TMEM131: variants seen among roughly 807,000 people sequenced by gnomAD.
TMEM131 encodes the protein transmembrane protein 131, also known as 2610524E03Rik.
TMEM131 carries 66 observed loss-of-function variants against 211.6 expected under a neutral mutation model. The observed-to-expected ratio is 0.31, with a 90% confidence interval of 0.26 to 0.38. The LOEUF (loss-of-function observed/expected upper bound fraction) is 0.38. TMEM131 is among the 10% of genes least tolerant of loss of function. TMEM131 has a pLI of 1.00. For missense variants in TMEM131, 2,036 were observed against 2,299.3 expected (o/e 0.89, Z 2.34); for synonymous variants, 844 against 841.3 (o/e 1.00, Z -0.06).
intron 31 of TMEM131, among the ~76,000 whole-genome samples, chr2:97,782,120 C>T (rs895496372): frequency 6.6e-6 from 1 of 152,242 alleles, no homozygotes; most frequent in African/African-American, 2.4e-5. Flanking sequence ...AAGGAGCCAA[C>T]TCTCCCCTCC....
intron 5 of TMEM131, among the ~76,000 whole-genome samples, chr2:97,852,239 G>T (rs1417656367): frequency 2.7e-5 from 4 of 148,280 alleles, no homozygotes; most frequent in Non-Finnish European, 5.9e-5. Context: ...TTGGCTCACT[G>T]CAATCTCTGC....
intron 33 of TMEM131, 76 bp from the exon 34 acceptor site, chr2:97,766,678 T>G: frequency 6.5e-7 from 1 of 1,541,538 alleles, no homozygotes; most frequent in South Asian, 1.2e-5. Flanking sequence ...AGATTGTAAT[T>G]CTTCTACAAT....
chr2:97,758,453 C>T (rs975474881), intron 40 of TMEM131, among the ~76,000 whole-genome samples: 11 of 152,238 alleles, frequency 7.2e-5, no homozygotes, highest in Non-Finnish European at 1.0e-4. Context: ...ACCTAAGAGA[C>T]AGGTGCTTCT....
intron 1 of TMEM131, among the ~76,000 whole-genome samples, chr2:97,944,067 C>G (rs904502066): frequency 2.6e-5 from 4 of 151,940 alleles, no homozygotes; most frequent in African/African-American, 4.8e-5. Flanking sequence ...GGCGACAGAG[C>G]AAGACTCAGA....
In TMEM131 at chr2:97,792,647, G is replaced by C. The variant is rs757726353; in HGVS notation, c.3883C>G (p.His1295Asp). ...TGAGGGTGCTGCTCCAGCGGGCTGT[G>C]GGCATGGTGCTGGCTGCCGTGCTGG... ...QSQHGSQHHA[H>D]SPLEQHPQPP... Residue 1295 changes from histidine (H) to aspartate (D), a missense_variant, in exon 31 of 41, where the codon CAC becomes GAC. Transcript: ENST00000186436. The C allele has an allele frequency of 1.9e-6, 3 of 1,613,720 alleles. No homozygotes were observed. In the South Asian group the frequency reaches 3.3e-5, roughly 18 times the overall value.
intron 3 of TMEM131, among the ~76,000 whole-genome samples, chr2:97,888,858 A>T (rs1312543671): frequency 6.6e-6 from 1 of 152,208 alleles, no homozygotes; most frequent in Non-Finnish European, 1.5e-5. Flanking sequence ...GTCAGGCACT[A>T]AGTTTCAAAA....
At chr2:97,782,327 A>G (rs759623083) in intron 31 of TMEM131, among the ~76,000 whole-genome samples, 1 of 152,246 alleles carries the variant, frequency 6.6e-6, no homozygotes, top group Non-Finnish European at 1.5e-5. Context: ...GGCAATAAAA[A>G]GGTGGCACAA....
chr2:97,888,198 CTT>C, intron 3 of TMEM131, 78 bp from the exon 4 acceptor site: 1 of 1,250,682 alleles, frequency 8.0e-7, no homozygotes, highest in Admixed American at 2.2e-5. Context: ...AGACAGCTGA[CTT>C]TTGTCATAAC....
rs1435668777 is a variant in TMEM131 at position 97,926,087 on chromosome 2, T to C, written c.249+1339A>G. On this transcript the variant is annotated intron_variant, in intron 2 of 40. Coordinates refer to ENST00000186436, the MANE Select transcript of TMEM131 (RefSeq NM_015348.2). ...AGATCGCGCCACTGCACTCCAGGCC[T>C]GGGTGACAGTGCGAGACCCTGTCTC... Among the ~76,000 whole-genome samples, 5 of 148,256 alleles carry C rather than the reference T, an allele frequency of 3.4e-5. No individual in the cohort carries two copies. In the South Asian group the frequency reaches 6.4e-4, roughly 19 times the overall value.
At chr2:97,913,642 T>G (rs1676383549) in intron 2 of TMEM131, among the ~76,000 whole-genome samples, 1 of 152,232 alleles carries the variant, frequency 6.6e-6, no homozygotes, top group South Asian at 2.1e-4. Context: ...GGCCATACTT[T>G]TATACTGCAT....
intron 28 of TMEM131, 145 bp downstream of exon 28, chr2:97,796,073 A>G: frequency 1.9e-6 from 1 of 513,800 alleles, no homozygotes; most frequent in Non-Finnish European, 3.3e-6. Context: ...TAAGATATGA[A>G]GAAATACCTT....
chr2:97,783,290 C>T (rs1456811161), intron 31 of TMEM131, among the ~76,000 whole-genome samples: 1 of 151,924 alleles, frequency 6.6e-6, no homozygotes, highest in East Asian at 1.9e-4. Flanking sequence ...TCCAACAGAC[C>T]TACCCTAAAA....
At chr2:97,973,628 T>A (rs1357500389) in intron 1 of TMEM131, among the ~76,000 whole-genome samples, 2 of 152,156 alleles carry the variant, frequency 1.3e-5, no homozygotes, top group Non-Finnish European at 2.9e-5. Context: ...AGTGCATTTG[T>A]GTGAGGTAAC....
chr2:97,801,935 A>G lies in TMEM131; in HGVS notation c.2678T>C (p.Ile893Thr), dbSNP rs368752425. Residue 893 changes from isoleucine (I) to threonine (T), a missense_variant, in exon 25 of 41, where the codon ATA becomes ACA. Transcript: ENST00000186436. ...TTGAAATTCTAGTGTTCTCAAATCT[A>G]TCTTTGCCACCTTACTCAAGTTAAA... ...SRFNLSKVAK[I>T]DLRTLEFQVF... 8.1e-6 allele frequency: 13 copies of G among 1,608,382 alleles called. No individual in the cohort carries two copies. The highest frequency in any genetic ancestry group is 1.3e-5 in the African/African-American group (1 of 74,710).
At chr2:97,812,105 A>G (rs998528138) in intron 17 of TMEM131, among the ~76,000 whole-genome samples, 2 of 152,202 alleles carry the variant, frequency 1.3e-5, no homozygotes, top group Non-Finnish European at 2.9e-5. Flanking sequence ...AGTAAACTCA[A>G]TGAACACAAG....
chr2:97,836,032 AATAG>A (rs1466216430), intron 8 of TMEM131, among the ~76,000 whole-genome samples: 1 of 152,222 alleles, frequency 6.6e-6, no homozygotes, highest in African/African-American at 2.4e-5. Context: ...ATACAGATAT[AATAG>A]TCTGAATTTA....
At chr2:97,842,859 A>G (rs1466000783) in intron 6 of TMEM131, among the ~76,000 whole-genome samples, 2 of 152,166 alleles carry the variant, frequency 1.3e-5, no homozygotes, top group African/African-American at 4.8e-5. Context: ...CAACACGTAC[A>G]TGCTAAATGG....
rs571414333 is a variant in TMEM131, at chr2:97,853,587, C to T, written c.483+5717G>A. On this transcript the variant is annotated intron_variant, in intron 5 of 40. Transcript: ENST00000186436. ...TGCCAGTGCACTCCAGCCTGGGCGA[C>T]AGAGTGAGACCCCGTCTTGGAAAAA... Among the ~76,000 whole-genome samples, 3 of 140,848 alleles carry T rather than the reference C, an allele frequency of 2.1e-5. No homozygotes were observed. In the South Asian group the frequency reaches 6.7e-4, roughly 31 times the overall value. 92.4% of individuals were successfully genotyped at this position (140,848 alleles called of 152,430 possible). A position where few individuals can be genotyped will look rare whatever the true frequency, so the allele number is the denominator to read the frequency against.
rs1442548021 is a variant in TMEM131 at position 97,770,096 on chromosome 2, C to T, written c.4448+2201G>A. On this transcript the variant is annotated intron_variant, in intron 33 of 40. Coordinates refer to ENST00000186436, the MANE Select transcript of TMEM131 (RefSeq NM_015348.2). ...AGACATGTGGGGTTATATATTAACA[C>T]ACTAAAAGGTGACAGGAATTTCAGG... 1.3e-5 allele frequency among the ~76,000 whole-genome samples: 2 copies of T among 152,180 alleles called. 1 individual carries two copies. Among genetic ancestry groups the T allele is most frequent in the East Asian group, 3.8e-4 (2 of 5,200 alleles).
Sources: gnomAD v4.1 joint callset for allele counts (sites outside exome capture counted in the v4.1 genomes callset) on GRCh38, gnomAD v4.1.1 for gene constraint, MANE v1.5 for transcripts, NCBI Gene and HGNC (gene_info 2026-07-23, HGNC 2026-07-21) for gene names.